KNTC1: variants seen among roughly 807,000 people sequenced by gnomAD.
KNTC1 encodes kinetochore associated 1.
Under a neutral mutation model 314.4 loss-of-function variants are expected in KNTC1, and 253 were observed. The ratio of observed to expected loss-of-function variants is 0.80; its 90% confidence interval spans 0.73 to 0.89. The LOEUF (loss-of-function observed/expected upper bound fraction) is 0.89. Ranked by LOEUF, KNTC1 falls within the 40% of genes least tolerant of loss-of-function variation. The pLI, the probability that KNTC1 is intolerant of heterozygous loss-of-function variation, is 0.00. For missense variants in KNTC1, 2,475 were observed against 2,572.9 expected (o/e 0.96, Z 0.82); for synonymous variants, 901 against 901.4 (o/e 1.00, Z 0.01).
intron 20 of KNTC1, chr12:122,563,904 G>A (rs1026073231): frequency 3.5e-5 from 37 of 1,052,802 alleles, no homozygotes; most frequent in Admixed American, 6.5e-5. Flanking sequence ...TTTGCAAAGG[G>A]CAGTGTGGCC....
chr12:122,568,084 A>T lies in KNTC1; in HGVS notation c.1605-177A>T, dbSNP rs368424112. Among the ~76,000 whole-genome samples, 7 of 152,216 alleles carry T rather than the reference A, an allele frequency of 4.6e-5. No homozygotes were observed. The South Asian group carries it at 8.3e-4, about 18-fold the overall frequency. On this transcript the variant is annotated intron_variant, in intron 20 of 63. Transcript: ENST00000333479. ...GATGTCGGGAGTTCTAGGGTCTGAG[A>T]TAAGAAGGAAATGTACTTTGCATTG...
intron 43 of KNTC1, chr12:122,597,423 A>G (rs542434634): frequency 5.9e-5 from 18 of 306,714 alleles, no homozygotes; most frequent in African/African-American, 3.9e-4. Flanking sequence ...TAATTTTTGT[A>G]TTTTTAGTAG....
rs549570830 is a variant in KNTC1, at chr12:122,565,495, T to A, written c.1605-2766T>A. Among the ~76,000 whole-genome samples the A allele has an allele frequency of 1.5e-4, 23 of 148,510 alleles. 1 individual carries two copies. Among genetic ancestry groups the A allele is most frequent in the East Asian group, 3.9e-4 (2 of 5,070 alleles). On this transcript the variant is annotated intron_variant, in intron 20 of 63. Transcript: ENST00000333479. ...ATTTTCCTCTAATTTGGCATTTTTT[T>A]AATTGATTTTGTTATTATTATTTTT...
At chr12:122,602,503 G>C in intron 45 of KNTC1, 66 bp from the exon 46 acceptor site, 1 of 986,384 alleles carries the variant, frequency 1.0e-6, no homozygotes, top group Admixed American at 2.7e-5. Flanking sequence ...TATACTATTA[G>C]ATGATTTTAT....
At chr12:122,546,513 G>A in intron 9 of KNTC1, 109 bp from the exon 10 acceptor site, 1 of 750,962 alleles carries the variant, frequency 1.3e-6, no homozygotes, top group Non-Finnish European at 2.2e-6. Context: ...AAGGAAAATG[G>A]GACCTAGTAA....
intron 20 of KNTC1, among the ~76,000 whole-genome samples, chr12:122,565,024 A>G (rs995528313): frequency 3.9e-5 from 6 of 152,100 alleles, no homozygotes; most frequent in Non-Finnish European, 8.8e-5. Flanking sequence ...TTTCCAATAG[A>G]ATGAGTAGGG....
At chr12:122,600,913 G>A (rs550034749) in intron 44 of KNTC1, among the ~76,000 whole-genome samples, 18 of 152,120 alleles carry the variant, frequency 1.2e-4, no homozygotes, top group South Asian at 4.2e-4. Context: ...TGATCCACCC[G>A]CCTTGGCCTC....
intron 44 of KNTC1, among the ~76,000 whole-genome samples, chr12:122,599,802 G>A (rs1257131157): frequency 1.3e-5 from 2 of 151,992 alleles, no homozygotes; most frequent in African/African-American, 4.8e-5. Context: ...GACTTTTGTT[G>A]GCATTTAAAA....
intron 3 of KNTC1, 23 bp downstream of exon 3, chr12:122,534,807 A>C (rs773937052): frequency 1.2e-6 from 2 of 1,602,980 alleles, no homozygotes; most frequent in Non-Finnish European, 8.5e-7. Context: ...TAGTGAATGA[A>C]GTAAGATAAA....
At chr12:122,604,015 T>C (rs1227598917) in intron 48 of KNTC1, among the ~76,000 whole-genome samples, 2 of 152,026 alleles carry the variant, frequency 1.3e-5, no homozygotes, top group Non-Finnish European at 2.9e-5. Context: ...GAACAGCAAA[T>C]TATACTAGAA....
chr12:122,540,332 C>T (rs1167617892), intron 5 of KNTC1, among the ~76,000 whole-genome samples: 2 of 151,830 alleles, frequency 1.3e-5, no homozygotes, highest in African/African-American at 4.8e-5. Flanking sequence ...GCCACCACGC[C>T]TGGCTAATTT....
intron 35 of KNTC1, 30 bp downstream of exon 35, chr12:122,584,480 A>G (rs368227738): frequency 1.7e-5 from 26 of 1,535,214 alleles, no homozygotes; most frequent in Non-Finnish European, 2.3e-5. Flanking sequence ...ACGTAGTTTT[A>G]TATTCTCTGG....
chr12:122,551,148 GT>G (rs34865751), intron 13 of KNTC1, among the ~76,000 whole-genome samples, 170 bp from the exon 14 acceptor site: 5 of 148,868 alleles, frequency 3.4e-5, no homozygotes, highest in East Asian at 2.0e-4. Flanking sequence ...TTTTCCCAGT[GT>G]TTTTTTTTTC....
intron 24 of KNTC1, among the ~76,000 whole-genome samples, chr12:122,572,074 A>G (rs1427219564): frequency 6.6e-6 from 1 of 152,162 alleles, no homozygotes; most frequent in Non-Finnish European, 1.5e-5. Flanking sequence ...TTTCTGCATT[A>G]GCAGCATTTC....
chr12:122,561,979 T>C lies in KNTC1; in HGVS notation c.1542+5T>C. 6.3e-7 allele frequency: 1 copy of C among 1,595,880 alleles called. No homozygotes were observed. The highest frequency in any genetic ancestry group is 8.6e-7 in the Non-Finnish European group (1 of 1,168,076). On this transcript the variant is annotated splice_donor_5th_base_variant and intron_variant, in intron 19 of 63. Coordinates refer to ENST00000333479, the MANE Select transcript of KNTC1 (RefSeq NM_014708.6). ...TATTCTGATGGCTTGAAAGAGGTAATTACACTAGATTTCTAGGTTAATATG... is the reference window on the plus strand; with the variant it reads ...TATTCTGATGGCTTGAAAGAGGTAACTACACTAGATTTCTAGGTTAATATG...
chr12:122,624,684 T>C lies in KNTC1; in HGVS notation c.6602T>C (p.Leu2201Pro). ...CCAGACACTGCTCCCTGTGAAATTC[T>C]GAAGGTAAAGCTGATGGAAAGTTCT... ...VPPDTAPCEI[L>P]KMFLSGLS Residue 2201 changes from leucine (L) to proline (P), a missense_variant, in exon 63 of 64, where the codon CTG becomes CCG. By Grantham distance (98) the Leu-to-Pro change is moderately conservative. Transcript: ENST00000333479. 1 of 1,611,612 alleles carries C rather than the reference T, an allele frequency of 6.2e-7. No homozygotes were observed. The highest frequency in any genetic ancestry group is 8.5e-7 in the Non-Finnish European group (1 of 1,177,706).
Position 122,626,254 on chromosome 12 carries a change from G to A in KNTC1, c.*26G>A, listed in dbSNP as rs759931652. ...ATCACTGAACCTTTTTTTCAAGAAG[G>A]ACAAGAATTTTGGAGTCTGCTATTA... is the stretch of plus-strand genomic sequence containing the variant. On this transcript the variant is annotated 3_prime_UTR_variant, in exon 64 of 64. Coordinates refer to ENST00000333479, the MANE Select transcript of KNTC1 (RefSeq NM_014708.6). The A allele has an allele frequency of 1.3e-6, 2 of 1,557,784 alleles. No individual in the cohort carries two copies. The highest frequency in any genetic ancestry group is 2.2e-5 in the East Asian group (1 of 44,510).
intron 59 of KNTC1, among the ~76,000 whole-genome samples, chr12:122,619,867 G>A (rs771399146): frequency 2.0e-5 from 3 of 151,978 alleles, no homozygotes; most frequent in Non-Finnish European, 4.4e-5. Flanking sequence ...CAGCGTTGTC[G>A]CATATATTTT....
rs1296689887 is a variant in KNTC1 at position 122,577,033 on chromosome 12, T to G, written c.2721+4T>G. 1.3e-6 allele frequency: 2 copies of G among 1,508,376 alleles called. No homozygotes were observed. The highest frequency in any genetic ancestry group is 1.8e-6 in the Non-Finnish European group (2 of 1,132,226). The allele number at this position is 1,508,376 out of a possible 1,614,324, so 93.4% of individuals were successfully genotyped here. The stretch of plus-strand genomic sequence containing the variant: ...TGACCTGATTGATAGAGAACAGGTT[T>G]GTAAGTTTTATGTTGTCATTTCATA... On this transcript the variant is annotated splice_donor_region_variant and intron_variant, in intron 30 of 63. Transcript: ENST00000333479.
Sources: gnomAD v4.1 joint callset for allele counts (sites outside exome capture counted in the v4.1 genomes callset) on GRCh38, gnomAD v4.1.1 for gene constraint, MANE v1.5 for transcripts, NCBI Gene and HGNC (gene_info 2026-07-23, HGNC 2026-07-21) for gene names.